The following HMBOX1 variants were observed in gnomAD, a reference collection of about 807,000 sequenced individuals.
The protein encoded by HMBOX1 is homeobox-containing protein 1.
Under a neutral mutation model 54.5 loss-of-function variants are expected in HMBOX1, and 14 were observed. That is an observed-to-expected ratio of 0.26 (90% confidence interval 0.17 to 0.40). The LOEUF (loss-of-function observed/expected upper bound fraction) is 0.40. Ranked by LOEUF, HMBOX1 falls within the 10% of genes least tolerant of loss-of-function variation. The pLI, the probability that HMBOX1 is intolerant of heterozygous loss-of-function variation, is 1.00. For synonymous variants in HMBOX1, 160 were observed against 181.0 expected (o/e 0.88, Z 0.93); for missense variants, 332 against 514.4 (o/e 0.65, Z 3.43).
At chr8:28,900,442 A>G (rs1237726166) in intron 1 of HMBOX1, among the ~76,000 whole-genome samples, 2 of 151,708 alleles carry the variant, frequency 1.3e-5, no homozygotes, top group Non-Finnish European at 1.5e-5. Context: ...CTTAGAACCT[A>G]TTATATGCTT....
In HMBOX1 at chr8:28,942,208, C is replaced by T. The variant is rs371614941; in HGVS notation, c.-57-21603C>T. 5.3e-5 allele frequency among the ~76,000 whole-genome samples: 8 copies of T among 152,242 alleles called. No individual in the cohort carries two copies. The East Asian group carries it at 1.2e-3, about 22-fold the overall frequency. ...ACACCATGCCATTTATTCCATTGTC[C>T]GTAGTTCAGCGCAGTCTCCTTCTGC... On this transcript the variant is annotated intron_variant, in intron 1 of 9. Transcript: ENST00000287701.
chr8:28,986,551 C>T (rs1190933320), intron 4 of HMBOX1, among the ~76,000 whole-genome samples: 4 of 152,072 alleles, frequency 2.6e-5, no homozygotes, highest in African/African-American at 9.7e-5. Context: ...AAGGCTATCA[C>T]CTATCTACAG....
chr8:28,932,293 A>G (rs1050753094), intron 1 of HMBOX1, among the ~76,000 whole-genome samples: 1 of 152,188 alleles, frequency 6.6e-6, no homozygotes, highest in Non-Finnish European at 1.5e-5. Context: ...ATTTTATCCT[A>G]TGTACAGTAG....
In HMBOX1 at chr8:29,053,048, G is replaced by A. The variant is rs917109311; in HGVS notation, c.*1893G>A. The A allele has an allele frequency of 2.0e-5, 3 of 152,550 alleles. No homozygotes were observed. The highest frequency in any genetic ancestry group is 3.1e-3 in the Middle Eastern group (1 of 318). 9.4% of individuals were successfully genotyped at this position (152,550 alleles called of 1,614,324 possible). A position where few individuals can be genotyped will look rare whatever the true frequency, so the allele number is the denominator to read the frequency against. ...GGAGATACTGAATATCCGCCAGTTT[G>A]TAGTTGGTTTCCTTCCACTTAAGGC... On this transcript the variant is annotated 3_prime_UTR_variant, in exon 10 of 10. Coordinates refer to ENST00000287701, the MANE Select transcript of HMBOX1 (RefSeq NM_001135726.3).
chr8:28,918,750 A>G (rs974021511), intron 1 of HMBOX1, among the ~76,000 whole-genome samples: 1 of 151,494 alleles, frequency 6.6e-6, no homozygotes, highest in African/African-American at 2.4e-5. Context: ...CTTCCATTTA[A>G]CATAAGTATT....
At chr8:29,012,056 AGG>A (rs1487997856) in intron 5 of HMBOX1, among the ~76,000 whole-genome samples, 1 of 152,218 alleles carries the variant, frequency 6.6e-6, no homozygotes, top group African/African-American at 2.4e-5. Flanking sequence ...TAGAGATAAG[AGG>A]GTAAGTTCGT....
At chr8:28,974,193 T>A (rs944780749) in intron 3 of HMBOX1, among the ~76,000 whole-genome samples, 1 of 152,190 alleles carries the variant, frequency 6.6e-6, no homozygotes, top group Non-Finnish European at 1.5e-5. Context: ...AATGAAAAAG[T>A]AACTTTCACT....
intron 4 of HMBOX1, among the ~76,000 whole-genome samples, chr8:29,000,287 C>T (rs1832451775): frequency 6.6e-6 from 1 of 152,218 alleles, no homozygotes; most frequent in African/African-American, 2.4e-5. Flanking sequence ...TAAACCTTCA[C>T]TTTCTCTTTG....
chr8:28,943,629 A>C (rs1043469784), intron 1 of HMBOX1, among the ~76,000 whole-genome samples: 2 of 152,160 alleles, frequency 1.3e-5, no homozygotes, highest in African/African-American at 4.8e-5. Flanking sequence ...CAATATGCCA[A>C]AGTGACGTAT....
intron 1 of HMBOX1, among the ~76,000 whole-genome samples, chr8:28,903,082 C>T (rs1813546446): frequency 6.6e-6 from 1 of 152,108 alleles, no homozygotes; most frequent in Admixed American, 6.6e-5. Flanking sequence ...CATTTACCCA[C>T]CAGTGGACAT....
chr8:29,009,627 G>A lies in HMBOX1; in HGVS notation c.697+445G>A, dbSNP rs1222226133. ...ACCATATCCAGTGATCTCTGCTAAT[G>A]ATTTTTTTTTTTCTAATTCTAATGA... On this transcript the variant is annotated intron_variant, in intron 5 of 9. Coordinates refer to ENST00000287701, the MANE Select transcript of HMBOX1 (RefSeq NM_001135726.3). 4 of 1,196,558 alleles carry A rather than the reference G, an allele frequency of 3.3e-6. No individual in the cohort carries two copies. The African/African-American group carries it at 5.2e-5, about 15-fold the overall frequency. 74.1% of individuals were successfully genotyped at this position (1,196,558 alleles called of 1,614,324 possible).
intron 5 of HMBOX1, 186 bp downstream of exon 5, chr8:29,009,368 C>T (rs1363785080): frequency 2.5e-5 from 18 of 725,284 alleles, no homozygotes; most frequent in South Asian, 6.3e-5. Flanking sequence ...ATTTTATTGT[C>T]TAATATTATC....
At chr8:29,003,290 T>C (rs1832907911) in intron 4 of HMBOX1, among the ~76,000 whole-genome samples, 2 of 151,808 alleles carry the variant, frequency 1.3e-5, no homozygotes, top group Admixed American at 1.3e-4. Flanking sequence ...TAATTTATAA[T>C]AGTGAAACAT....
At chr8:29,047,708 T>C (rs547002799) in intron 8 of HMBOX1, among the ~76,000 whole-genome samples, 73 of 151,900 alleles carry the variant, frequency 4.8e-4, no homozygotes, top group African/African-American at 1.7e-3. Context: ...GCTGGGATTA[T>C]AGGCATGTGC....
At chr8:29,004,777 G>C (rs1209595917) in intron 4 of HMBOX1, among the ~76,000 whole-genome samples, 1 of 152,062 alleles carries the variant, frequency 6.6e-6, no homozygotes, top group Non-Finnish European at 1.5e-5. Context: ...GGGAAGTAGG[G>C]GGAAAGTTAG....
chr8:28,914,602 C>T (rs1408979412), intron 1 of HMBOX1, among the ~76,000 whole-genome samples: 4 of 152,320 alleles, frequency 2.6e-5, no homozygotes, highest in Non-Finnish European at 5.9e-5. Context: ...CTTTGAACCA[C>T]AGCACTGCAG....
chr8:28,893,980 A>G (rs1035186628), intron 1 of HMBOX1, among the ~76,000 whole-genome samples: 1 of 152,232 alleles, frequency 6.6e-6, no homozygotes, highest in African/African-American at 2.4e-5. Context: ...GAATGTTGTC[A>G]TAAGTGAAAG....
intron 1 of HMBOX1, among the ~76,000 whole-genome samples, chr8:28,934,554 A>G (rs1585904467): frequency 6.6e-6 from 1 of 152,368 alleles, no homozygotes; most frequent in East Asian, 1.9e-4. Context: ...CTTGTAAAAC[A>G]AATCCTAAGG....
At chr8:28,963,313 C>G (rs1321473175) in intron 1 of HMBOX1, among the ~76,000 whole-genome samples, 1 of 152,150 alleles carries the variant, frequency 6.6e-6, no homozygotes, top group Non-Finnish European at 1.5e-5. Flanking sequence ...AAATTATCTA[C>G]AACAGGAACT....
Sources: allele counts gnomAD v4.1 joint callset (sites outside exome capture counted in the v4.1 genomes callset), GRCh38; gene constraint gnomAD v4.1.1; transcripts MANE v1.5; gene names NCBI Gene and HGNC (gene_info 2026-07-23, HGNC 2026-07-21).